The following PXDN variants were observed in gnomAD, a reference collection of about 807,000 sequenced individuals.
PXDN encodes peroxidasin.
Under a neutral mutation model 140.3 loss-of-function variants are expected in PXDN, and 77 were observed. The observed-to-expected ratio is 0.55, with a 90% CI of 0.46 to 0.66. The LOEUF (loss-of-function observed/expected upper bound fraction) is 0.66, where lower values mean the gene tolerates loss of function less well. Ranked by LOEUF, PXDN falls within the 30% of genes least tolerant of loss-of-function variation. PXDN has a pLI of 0.00. For synonymous variants in PXDN, 911 were observed against 857.4 expected, an observed-to-expected ratio of 1.06 and a Z score of -1.09; for missense variants, 1,838 against 2,039.5, an observed-to-expected ratio of 0.90 and a Z score of 1.90.
Position 1,691,987 on chromosome 2 carries a change from A to G in PXDN, c.285T>C (p.Asn95=). The change falls in exon 3 of 23, where the codon AAT becomes AAC. Residue 95 remains asparagine, a synonymous_variant. Coordinates refer to ENST00000252804, the MANE Select transcript of PXDN (RefSeq NM_012293.3). ...LRNLNTLLLN[N]NQIKRIPSGA... Reference sequence around the variant, plus strand: ...CACTAGGTATCCTCTTGATCTGATTATTATTGAGAAGCCTATGAAAGAGAG... The same window carrying G: ...CACTAGGTATCCTCTTGATCTGATTGTTATTGAGAAGCCTATGAAAGAGAG... 1 of 1,524,046 alleles carries G rather than the reference A, an allele frequency of 6.6e-7. No individual in the cohort carries two copies. Among genetic ancestry groups the G allele is most frequent in the South Asian group, 1.3e-5 (1 of 78,844 alleles). The allele number at this position is 1,524,046 out of a possible 1,614,324, so 94.4% of individuals were successfully genotyped here.
At position 1,639,877 on chromosome 2, in the gene PXDN, C is replaced by T. The variant is rs1682674385; in HGVS notation, c.3953-455G>A. ...TCACACTGCCAGCCCCAGTGTCAGACAAGAGGCGGCCTGACCCTGCTTCTC... is the reference window on the plus strand; with the variant it reads ...TCACACTGCCAGCCCCAGTGTCAGATAAGAGGCGGCCTGACCCTGCTTCTC... On this transcript the variant is annotated intron_variant, in intron 19 of 22. Coordinates refer to ENST00000252804, the MANE Select transcript of PXDN (RefSeq NM_012293.3). The surrounding 1 kb of genome is among the most constrained non-coding windows in gnomAD (Gnocchi z 5.0). Among the ~76,000 whole-genome samples, 1 of 152,254 alleles carries T rather than the reference C, an allele frequency of 6.6e-6. No individual in the cohort carries two copies. Among genetic ancestry groups the T allele is most frequent in the South Asian group, 2.1e-4 (1 of 4,838 alleles).
chr2:1,676,913 T>G lies in PXDN; in HGVS notation c.848+14A>C. 6.2e-7 allele frequency: 1 copy of G among 1,602,960 alleles called. No homozygotes were observed. Among genetic ancestry groups the G allele is most frequent in the East Asian group, 2.2e-5 (1 of 44,552 alleles). On this transcript the variant is annotated intron_variant, in intron 8 of 22. Transcript: ENST00000252804. Reference sequence around the variant, plus strand: ...AGAGATGCACAGGGGCATTTCTGTTTGGCCCCAACTCACTTGTTTCGCAGC... The same window carrying G: ...AGAGATGCACAGGGGCATTTCTGTTGGGCCCCAACTCACTTGTTTCGCAGC...
intron 6 of PXDN, 30 bp from the exon 7 acceptor site, chr2:1,680,392 C>G: frequency 6.2e-7 from 1 of 1,612,562 alleles, no homozygotes; most frequent in Non-Finnish European, 8.5e-7. Context: ...GCCGGTGAGA[C>G]ATGGGGTGGC....
At chr2:1,697,688 G>A (rs1449999636) in intron 1 of PXDN, among the ~76,000 whole-genome samples, 1 of 152,136 alleles carries the variant, frequency 6.6e-6, no homozygotes, top group Non-Finnish European at 1.5e-5. Flanking sequence ...TCTTCCCTGG[G>A]GCTCCGTGCT....
Position 1,634,091 on chromosome 2 carries a change from T to C in PXDN, c.*113A>G, listed in dbSNP as rs1682482546. ...TAACAGCACCAGCTGGACGTTGTCATGAAATGTCACGAGTTCTGGGTGTTT... is the reference window on the plus strand; with the variant it reads ...TAACAGCACCAGCTGGACGTTGTCACGAAATGTCACGAGTTCTGGGTGTTT... On this transcript the variant is annotated 3_prime_UTR_variant, in exon 23 of 23. Coordinates refer to ENST00000252804, the MANE Select transcript of PXDN (RefSeq NM_012293.3). 6.9e-7 allele frequency: 1 copy of C among 1,443,190 alleles called. No individual in the cohort carries two copies. The highest frequency in any genetic ancestry group is 9.3e-7 in the Non-Finnish European group (1 of 1,073,146). The allele number at this position is 1,443,190 out of a possible 1,614,324, so 89.4% of individuals were successfully genotyped here. A position where few individuals can be genotyped will look rare whatever the true frequency, so the allele number is the denominator to read the frequency against.
At chr2:1,721,545 G>T (rs1202627018) in intron 1 of PXDN, among the ~76,000 whole-genome samples, 1 of 152,212 alleles carries the variant, frequency 6.6e-6, no homozygotes, top group Non-Finnish European at 1.5e-5. Context: ...TTTTCTAAAA[G>T]CCTCAAATTG....
Position 1,650,388 on chromosome 2 carries a change from C to T in PXDN, c.2105-713G>A, listed in dbSNP as rs138099630. ...CCCATGAGCCTGGCACAGGCTCCGA[C>T]TAGGTCACCTTCTTGCTCAGAGACC... On this transcript the variant is annotated intron_variant, in intron 16 of 22. Transcript: ENST00000252804. Among the ~76,000 whole-genome samples the T allele has an allele frequency of 3.3e-3, 508 of 152,336 alleles. 11 individuals carry two copies. Among genetic ancestry groups the T allele is most frequent in the East Asian group, 0.013 (68 of 5,174 alleles).
chr2:1,744,589 C>T (rs1685649367), upstream of PXDN: 1 of 745,610 alleles, frequency 1.3e-6, no homozygotes. Flanking sequence ...ATGCGCGAGG[C>T]TCCTCCCGGC....
intron 1 of PXDN, among the ~76,000 whole-genome samples, chr2:1,713,747 G>A (rs538743180): frequency 6.6e-6 from 1 of 152,360 alleles, no homozygotes; most frequent in Non-Finnish European, 1.5e-5. Context: ...CGCACCTGAG[G>A]CCCCGGGCCC....
chr2:1,659,292 T>C (rs997143041), intron 14 of PXDN, among the ~76,000 whole-genome samples: 1 of 152,272 alleles, frequency 6.6e-6, no homozygotes, highest in African/African-American at 2.4e-5. Flanking sequence ...ACAACTCAAA[T>C]GGCTGAAAAG....
Position 1,632,059 on chromosome 2 carries a change from C to T in PXDN, c.*2145G>A, listed in dbSNP as rs1682423134. The T allele has an allele frequency of 6.6e-6, 1 of 152,640 alleles. No individual in the cohort carries two copies. 9.5% of individuals were successfully genotyped at this position (152,640 alleles called of 1,614,324 possible). On this transcript the variant is annotated 3_prime_UTR_variant, in exon 23 of 23. Transcript: ENST00000252804. This position sits in a 1 kb window ranked among gnomAD's most constrained non-coding sequence, Gnocchi z 4.3. ...CCACTCCTGTTACAGCGATCCCGCA[C>T]AGTGGCTGCTAGACACGTTCACCCA...
Position 1,733,748 on chromosome 2 carries a change from C to CAAAAAAAAAAAAAAA in PXDN, c.200+10493_200+10507dup, listed in dbSNP as rs72208257. ...CAGAGCAAGATTCTGTGTCAAATGA[C>CAAAAAAAAAAAAAAA]AAAAAAAAAAAAAAAAAAAGCAGTG... On this transcript the variant is annotated intron_variant, in intron 1 of 22. Coordinates refer to ENST00000252804, the MANE Select transcript of PXDN (RefSeq NM_012293.3). Among the ~76,000 whole-genome samples, 50 of 79,210 alleles carry CAAAAAAAAAAAAAAA rather than the reference C, an allele frequency of 6.3e-4. 1 individual carries two copies. The highest frequency in any genetic ancestry group is 1.2e-3 in the East Asian group (2 of 1,636). 52.0% of individuals were successfully genotyped at this position (79,210 alleles called of 152,430 possible).
At chr2:1,679,088 A>ATGTGTGTG (rs111613941) in intron 7 of PXDN, among the ~76,000 whole-genome samples, 1,523 of 148,016 alleles carry the variant, frequency 0.01, 18 homozygotes, top group Admixed American at 0.012. Context: ...ATGTGCATGC[A>ATGTGTGTG]TGTGTGTGTG....
At position 1,644,736 on chromosome 2, in the gene PXDN, G is replaced by A; in HGVS notation, c.3625C>T (p.Leu1209Phe). ...EKLKRLYGST[L>F]NIDLFPALVV... ...AGCGCCGGAAACAGGTCGATGTTGA[G>A]TGTCGAGCCATACAACCTAAAAAAT... The change falls in exon 18 of 23, where the codon CTC (leucine) becomes TTC (phenylalanine). Residue 1209 changes from leucine to phenylalanine, a missense_variant. Transcript: ENST00000252804. The A allele has an allele frequency of 5.8e-6, 9 of 1,562,340 alleles. No homozygotes were observed. Among genetic ancestry groups the A allele is most frequent in the Non-Finnish European group, 7.8e-6 (9 of 1,147,960 alleles).
chr2:1,742,559 G>C (rs62116428), intron 1 of PXDN, among the ~76,000 whole-genome samples: 48 of 152,188 alleles, frequency 3.2e-4, no homozygotes, highest in Non-Finnish European at 6.3e-4. Context: ...TTTTCAACAA[G>C]CAATTAATAT....
intron 3 of PXDN, among the ~76,000 whole-genome samples, chr2:1,689,799 A>G (rs1469964490): frequency 1.3e-5 from 2 of 148,178 alleles, no homozygotes; most frequent in Non-Finnish European, 3.0e-5. Flanking sequence ...AAAAAAAAAA[A>G]GGGTGAGTAT....
intron 5 of PXDN, 119 bp downstream of exon 5, chr2:1,683,961 T>C (rs1052468405): frequency 1.0e-5 from 11 of 1,083,058 alleles, no homozygotes; most frequent in African/African-American, 1.6e-5. Flanking sequence ...ACTAGAAATA[T>C]GGATTTTATA....
chr2:1,680,169 G>A, intron 7 of PXDN, 24 bp downstream of exon 7: 1 of 1,533,654 alleles, frequency 6.5e-7, no homozygotes, highest in Non-Finnish European at 8.8e-7. Context: ...TGTGTGGATG[G>A]TGTGTGCGTG....
chr2:1,663,040 A>G (rs1683343048), intron 12 of PXDN, among the ~76,000 whole-genome samples: 2 of 152,360 alleles, frequency 1.3e-5, no homozygotes, highest in South Asian at 4.1e-4. Flanking sequence ...TGCAGAGGCC[A>G]CAATCAGTGC....
Sources: allele counts gnomAD v4.1 joint callset (sites outside exome capture counted in the v4.1 genomes callset), GRCh38; gene constraint gnomAD v4.1.1; non-coding constraint Gnocchi (gnomAD v3.1); transcripts MANE v1.5; gene names NCBI Gene and HGNC (gene_info 2026-07-23, HGNC 2026-07-21).